The following PPM1K variants were observed in gnomAD, a reference collection of about 807,000 sequenced individuals.
PPM1K encodes the protein protein phosphatase Mn(2+)-dependent 1K.
Under a neutral mutation model 32.6 loss-of-function variants are expected in PPM1K, and 19 were observed. That is an observed-to-expected ratio of 0.58 (90% CI 0.41 to 0.86). The LOEUF is 0.86. Among genes scored for constraint, PPM1K ranks in the 40% least tolerant of loss-of-function variants. The pLI, the probability that PPM1K is intolerant of heterozygous loss-of-function variation, is 0.00. For missense variants in PPM1K, 362 were observed against 461.2 expected (o/e 0.78, Z 1.97); for synonymous variants, 159 against 165.3 (o/e 0.96, Z 0.29).
At chr4:88,273,662 C>T (rs1377045925) in intron 3 of PPM1K, among the ~76,000 whole-genome samples, 5 of 147,352 alleles carry the variant, frequency 3.4e-5, no homozygotes, top group African/African-American at 1.3e-4. Flanking sequence ...GCCTGGGAGA[C>T]TAGAGCAAAA....
chr4:88,275,344 A>G, intron 3 of PPM1K: 1 of 970,502 alleles, frequency 1.0e-6, no homozygotes, highest in Middle Eastern at 5.3e-4. Context: ...TCTTTATACA[A>G]CTGTTTAATG....
At position 88,278,103 on chromosome 4, in the gene PPM1K, A is replaced by G; in HGVS notation, c.440+41T>C. ...AAGGGTGAAAGTTTAAGTAGGAAGT[A>G]TAGGAACTGCAAAGTCAGGAGTGAA... On this transcript the variant is annotated intron_variant, in intron 2 of 6. Transcript: ENST00000608933. This position sits in a 1 kb window ranked among gnomAD's most constrained non-coding sequence, Gnocchi z 4.2. The G allele has an allele frequency of 1.3e-6, 2 of 1,540,358 alleles. No individual in the cohort carries two copies. Among genetic ancestry groups the G allele is most frequent in the Non-Finnish European group, 1.8e-6 (2 of 1,125,040 alleles).
intron 3 of PPM1K, among the ~76,000 whole-genome samples, chr4:88,271,385 G>A (rs1235746510): frequency 6.6e-6 from 1 of 152,122 alleles, no homozygotes; most frequent in Non-Finnish European, 1.5e-5. Context: ...CCAAAACTCA[G>A]TTTGTTCCAG....
intron 5 of PPM1K, among the ~76,000 whole-genome samples, chr4:88,267,546 C>T (rs1201601660): frequency 3.3e-5 from 5 of 152,188 alleles, no homozygotes; most frequent in African/African-American, 7.2e-5. Context: ...ATATTTCTCC[C>T]CGAAATATTG....
chr4:88,283,793 CCTGGCCTCGGCTCG>C (rs1253223965), intron 1 of PPM1K: 2 of 152,374 alleles, frequency 1.3e-5, no homozygotes, highest in African/African-American at 4.8e-5. Context: ...AGCTCAGGAT[CCTGGCCTCGGCTCG>C]CTGGCCCTGA....
At position 88,262,509 on chromosome 4, in the gene PPM1K, A is replaced by G. The variant is rs1731155568; in HGVS notation, c.*86T>C. The G allele has an allele frequency of 6.8e-7, 1 of 1,473,486 alleles. No individual in the cohort carries two copies. The highest frequency in any genetic ancestry group is 1.4e-5 in the African/African-American group (1 of 71,380). 91.3% of individuals were successfully genotyped at this position (1,473,486 alleles called of 1,614,324 possible). A position where few individuals can be genotyped will look rare whatever the true frequency, so the allele number is the denominator to read the frequency against. On this transcript the variant is annotated 3_prime_UTR_variant, in exon 7 of 7. Coordinates refer to ENST00000608933, the MANE Select transcript of PPM1K (RefSeq NM_152542.5). ...CACTGACTTGTGCGCTGATCTAGTG[A>G]GTTAGGAGACCTTTTTGATCTTATC...
rs1431178137 is a variant in PPM1K, at chr4:88,258,255, A to G, written c.*4340T>C. On this transcript the variant is annotated 3_prime_UTR_variant, in exon 7 of 7. Transcript: ENST00000608933. Reference sequence around the variant, plus strand: ...AAATTTATGTCTGTTCTAAGGAAAGAAACTAAATGTCCTGTTTGATATTGA... The same window carrying G: ...AAATTTATGTCTGTTCTAAGGAAAGGAACTAAATGTCCTGTTTGATATTGA... The G allele has an allele frequency of 3.9e-5, 6 of 152,174 alleles. No homozygotes were observed. Among genetic ancestry groups the G allele is most frequent in the Admixed American group, 3.9e-4 (6 of 15,266 alleles). 9.4% of individuals were successfully genotyped at this position (152,174 alleles called of 1,614,324 possible).
At chr4:88,275,770 A>C in intron 3 of PPM1K, 2 of 985,392 alleles carry the variant, frequency 2.0e-6, no homozygotes, top group Non-Finnish European at 2.4e-6. Flanking sequence ...AAGTAATAAA[A>C]ATAAAACCAT....
Position 88,278,240 on chromosome 4 carries a change from T to C in PPM1K, c.344A>G (p.Gln115Arg), listed in dbSNP as rs1449075228. Residue 115 changes from glutamine (Q) to arginine (R), a missense_variant, in exon 2 of 7, where the codon CAG (glutamine) becomes CGG (arginine). Gln to Arg is a conservative substitution (Grantham distance 43). Transcript: ENST00000608933. This position sits in a 1 kb window ranked among gnomAD's most constrained non-coding sequence, Gnocchi z 4.2. Reference sequence around the variant, plus strand: ...AAAGTACAGGACCTCATCTGTCAGCTGAGCGAAGTCAAACCGATCTTCATT... The same window carrying C: ...AAAGTACAGGACCTCATCTGTCAGCCGAGCGAAGTCAAACCGATCTTCATT... ...KENEDRFDFA[Q>R]LTDEVLYFAV... 1 of 1,614,248 alleles carries C rather than the reference T, an allele frequency of 6.2e-7. No individual in the cohort carries two copies. The highest frequency in any genetic ancestry group is 2.2e-5 in the East Asian group (1 of 44,894).
rs569230046 is a variant in PPM1K at position 88,275,022 on chromosome 4, T to C, written c.541+2121A>G. The C allele has an allele frequency of 4.5e-4, 346 of 770,500 alleles. 2 individuals are homozygous for C. In the Middle Eastern group the frequency reaches 4.6e-3, roughly 10 times the overall value. 47.7% of individuals were successfully genotyped at this position (770,500 alleles called of 1,614,324 possible). On this transcript the variant is annotated intron_variant, in intron 3 of 6. Transcript: ENST00000608933. ...ATAGACCTTTTCTTTTAGTACACAC[T>C]AAGAGCATCATCTTGTCTTGCTCCA... is the stretch of plus-strand genomic sequence containing the variant.
chr4:88,268,131 G>A, intron 5 of PPM1K, 59 bp downstream of exon 5: 6 of 1,562,492 alleles, frequency 3.8e-6, no homozygotes, highest in Middle Eastern at 3.4e-4. Context: ...AGGTGCAGCA[G>A]AGACAATCCT....
intron 6 of PPM1K, among the ~76,000 whole-genome samples, chr4:88,263,580 A>G (rs1407302344): frequency 6.6e-6 from 1 of 152,154 alleles, no homozygotes; most frequent in Non-Finnish European, 1.5e-5. Flanking sequence ...CTGACACCAC[A>G]GGCATGTACC....
In PPM1K at chr4:88,268,172, T is replaced by G; in HGVS notation, c.852+18A>C. On this transcript the variant is annotated intron_variant, in intron 5 of 6. Coordinates refer to ENST00000608933, the MANE Select transcript of PPM1K (RefSeq NM_152542.5). ...CACTCTCCGCAGGTTTATCAAGTGT[T>G]TGCAGGTCCTTTCTTACCTTAATCC... 3 of 1,613,514 alleles carry G rather than the reference T, an allele frequency of 1.9e-6. No homozygotes were observed. The highest frequency in any genetic ancestry group is 2.5e-6 in the Non-Finnish European group (3 of 1,179,532).
chr4:88,274,221 A>G (rs1731675148), intron 3 of PPM1K, among the ~76,000 whole-genome samples: 1 of 152,204 alleles, frequency 6.6e-6, no homozygotes, highest in Admixed American at 6.5e-5. Context: ...ACCATTAGTA[A>G]TTCACTTCTA....
chr4:88,268,114 C>A lies in PPM1K; in HGVS notation c.852+76G>T. 13 of 1,493,356 alleles carry A rather than the reference C, an allele frequency of 8.7e-6. No individual in the cohort carries two copies. In the South Asian group the frequency reaches 1.5e-4, roughly 17 times the overall value. 92.5% of individuals were successfully genotyped at this position (1,493,356 alleles called of 1,614,324 possible). The stretch of plus-strand genomic sequence containing the variant: ...ATCATTTTGGCTTCAGTTAAGGCTT[C>A]CAAGAAAGGTGCAGCAGAGACAATC... On this transcript the variant is annotated intron_variant, in intron 5 of 6. Transcript: ENST00000608933.
chr4:88,275,003 C>A (rs907838356), intron 3 of PPM1K: 50 of 668,384 alleles, frequency 7.5e-5, no homozygotes, highest in Non-Finnish European at 8.9e-5. Flanking sequence ...TATAATAGAC[C>A]TTTTCTTTTA....
At chr4:88,267,521 C>G (rs1298776304) in intron 5 of PPM1K, among the ~76,000 whole-genome samples, 1 of 152,228 alleles carries the variant, frequency 6.6e-6, no homozygotes. Flanking sequence ...ACACTTCAAA[C>G]TGAGGGAAGC....
At chr4:88,271,151 C>T (rs755720874) in intron 3 of PPM1K, 23 of 517,458 alleles carry the variant, frequency 4.4e-5, no homozygotes, top group Non-Finnish European at 6.9e-5. Context: ...ATAGTGTCCA[C>T]GGGCTCCAGG....
At position 88,262,645 on chromosome 4, in the gene PPM1K, T is replaced by C; in HGVS notation, c.1069A>G (p.Ile357Val). 5 of 1,614,162 alleles carry C rather than the reference T, an allele frequency of 3.1e-6. No individual in the cohort carries two copies. The highest frequency in any genetic ancestry group is 4.2e-6 in the Non-Finnish European group (5 of 1,180,020). Reference protein sequence around the residue: ...GAWGKYKNSEINFSFSRSFAS... With the variant: ...GAWGKYKNSEVNFSFSRSFAS... ...AAGCTTCTGCTGAATGAGAAGTTGATTTCAGAGTTCTTATATTTTCCCCAG... is the reference window on the plus strand; with the variant it reads ...AAGCTTCTGCTGAATGAGAAGTTGACTTCAGAGTTCTTATATTTTCCCCAG... The change falls in exon 7 of 7, where the codon ATC (isoleucine) becomes GTC (valine). Residue 357 changes from isoleucine to valine, a missense_variant. Ile to Val is a conservative substitution (Grantham distance 29). Coordinates refer to ENST00000608933, the MANE Select transcript of PPM1K (RefSeq NM_152542.5).
Sources: gnomAD v4.1 joint callset for allele counts (sites outside exome capture counted in the v4.1 genomes callset) on GRCh38, gnomAD v4.1.1 for gene constraint, Gnocchi (gnomAD v3.1) non-coding constraint, MANE v1.5 for transcripts, NCBI Gene and HGNC (gene_info 2026-07-23, HGNC 2026-07-21) for gene names.